Variants in RPL34 observed in about 807,000 individuals in gnomAD.
RPL34 encodes ribosomal protein L34, also known as large ribosomal subunit protein eL34.
A neutral mutation model predicts 16.3 loss-of-function variants in RPL34; 2 were observed. The observed-to-expected ratio is 0.12, with a 90% CI of 0.05 to 0.39. The LOEUF (loss-of-function observed/expected upper bound fraction) is 0.39, where lower values mean the gene tolerates loss of function less well. RPL34 is among the 10% of genes least tolerant of loss of function. RPL34 has a pLI of 0.99. For synonymous variants in RPL34, 47 were observed against 48.5 expected (o/e 0.97, Z 0.13); for missense variants, 82 against 148.8 (o/e 0.55, Z 2.33).
At chr4:108,626,447 CTTTTTTTTTT>C (rs34343318), downstream of RPL34, among the ~76,000 whole-genome samples, 10 of 117,078 alleles carry the variant, frequency 8.5e-5, no homozygotes, top group Admixed American at 9.4e-4. Flanking sequence ...GGCTGACAAC[CTTTTTTTTTT>C]TTTTTTTTTT....
At chr4:108,624,867 A>G (rs965924776) in intron 4 of RPL34, among the ~76,000 whole-genome samples, 12 of 152,254 alleles carry the variant, frequency 7.9e-5, no homozygotes, top group Non-Finnish European at 1.3e-4. Flanking sequence ...TAGAGCTCTC[A>G]TAAGTGGTCT....
chr4:108,621,792 T>C (rs1725788673), intron 1 of RPL34, 159 bp from the exon 2 acceptor site: 1 of 593,402 alleles, frequency 1.7e-6, no homozygotes, highest in Non-Finnish European at 3.0e-6. Flanking sequence ...CAGTCACCTT[T>C]AAATACAAGT....
At chr4:108,629,051 C>A (rs1726102449), downstream of RPL34, among the ~76,000 whole-genome samples, 1 of 152,144 alleles carries the variant, frequency 6.6e-6, no homozygotes, top group Non-Finnish European at 1.5e-5. Flanking sequence ...CTCCTGACCT[C>A]AGAATGTCCG....
At position 108,622,626 on chromosome 4, in the gene RPL34, A is replaced by T; in HGVS notation, c.269+8A>T. 6.5e-7 allele frequency: 1 copy of T among 1,532,402 alleles called. No individual in the cohort carries two copies. The highest frequency in any genetic ancestry group is 8.9e-7 in the Non-Finnish European group (1 of 1,123,992). The allele number at this position is 1,532,402 out of a possible 1,614,324, so 94.9% of individuals were successfully genotyped here. A position where few individuals can be genotyped will look rare whatever the true frequency, so the allele number is the denominator to read the frequency against. ...TAAATGTGTTCGTGACAGGTAAGTT[A>T]AATGCTTAAATGGGCTTTCCTTAGC... On this transcript the variant is annotated splice_region_variant and intron_variant, in intron 4 of 4. Transcript: ENST00000394667.
Position 108,622,021 on chromosome 4 carries a change from G to T in RPL34, c.62G>T (p.Arg21Met). ...TACAATACAGCCTCTAACAAAACTA[G>T]GCTGTAAGTATTTCTGAAAATTTTA... ...LSYNTASNKT[R>M]LSRTPGNRIV... Residue 21 changes from arginine to methionine, a missense_variant, in exon 2 of 5, where the codon AGG (arginine) becomes ATG (methionine). Transcript: ENST00000394667. 6.2e-7 allele frequency: 1 copy of T among 1,611,994 alleles called. No individual in the cohort carries two copies. Among genetic ancestry groups the T allele is most frequent in the Non-Finnish European group, 8.5e-7 (1 of 1,178,362 alleles).
chr4:108,624,238 T>C (rs1363074856), intron 4 of RPL34, among the ~76,000 whole-genome samples: 1 of 152,206 alleles, frequency 6.6e-6, no homozygotes, highest in Non-Finnish European at 1.5e-5. Flanking sequence ...ATGTGGTCTG[T>C]GCTTTGAGTA....
chr4:108,627,306 TG>T (rs1726046222), downstream of RPL34, among the ~76,000 whole-genome samples: 1 of 151,904 alleles, frequency 6.6e-6, no homozygotes, highest in African/African-American at 2.4e-5. Context: ...TCTCAACACT[TG>T]GGATGCTGAG....
chr4:108,624,720 A>C (rs146492215), intron 4 of RPL34, among the ~76,000 whole-genome samples: 1 of 152,134 alleles, frequency 6.6e-6, no homozygotes, highest in East Asian at 1.9e-4. Flanking sequence ...ATATCCCTTT[A>C]CCTTTTAATT....
chr4:108,623,492 C>A (rs1725869467), intron 4 of RPL34, among the ~76,000 whole-genome samples: 1 of 152,192 alleles, frequency 6.6e-6, no homozygotes, highest in South Asian at 2.1e-4. Flanking sequence ...TCACTGTAAC[C>A]TCCGCCTCCC....
intron 4 of RPL34, among the ~76,000 whole-genome samples, chr4:108,623,673 TGGGAATACA>T (rs1725877243): frequency 6.6e-6 from 1 of 152,204 alleles, no homozygotes; most frequent in Non-Finnish European, 1.5e-5. Flanking sequence ...CCCAAAGTGC[TGGGAATACA>T]GGTATAAGCC....
rs1381388598 is a variant in RPL34 at position 108,621,843 on chromosome 4, T to C, written c.-9-108T>C. The C allele has an allele frequency of 8.1e-6, 6 of 737,286 alleles. No individual in the cohort carries two copies. The African/African-American group carries it at 8.8e-5, about 11-fold the overall frequency. 45.7% of individuals were successfully genotyped at this position (737,286 alleles called of 1,614,324 possible). A position where few individuals can be genotyped will look rare whatever the true frequency, so the allele number is the denominator to read the frequency against. On this transcript the variant is annotated intron_variant, in intron 1 of 4. Transcript: ENST00000394667. ...AATAATACATCTTAATTTAAGGGTG[T>C]TACATACAAGGATATGTATGTGAAT...
chr4:108,621,821 A>C, intron 1 of RPL34, 130 bp from the exon 2 acceptor site: 1 of 660,896 alleles, frequency 1.5e-6, no homozygotes, highest in Admixed American at 2.5e-5. Context: ...AATGTGGAAT[A>C]ATACATCTTA....
At chr4:108,628,972 A>G (rs561648063), downstream of RPL34, among the ~76,000 whole-genome samples, 11 of 152,206 alleles carry the variant, frequency 7.2e-5, no homozygotes, top group South Asian at 8.3e-4. Context: ...GGCGCCTGCC[A>G]CCACATCTGG....
chr4:108,622,577 G>A lies in RPL34; in HGVS notation c.228G>A (p.Arg76=). ...CCAAAACAAAGAAACATGTCAGCAG[G>A]GCCTATGGTGGTTCCATGTGTGCTA... ...RLSKTKKHVS[R]AYGGSMCAKC... is the part of the protein sequence containing the mutation. Residue 76 remains arginine, a synonymous_variant, in exon 4 of 5, where the codon AGG becomes AGA. Coordinates refer to ENST00000394667, the MANE Select transcript of RPL34 (RefSeq NM_001319236.2). 1 of 1,608,120 alleles carries A rather than the reference G, an allele frequency of 6.2e-7. No individual in the cohort carries two copies. The highest frequency in any genetic ancestry group is 2.2e-5 in the East Asian group (1 of 44,860).
At chr4:108,626,317 A>G (rs1725998252), downstream of RPL34, among the ~76,000 whole-genome samples, 1 of 151,820 alleles carries the variant, frequency 6.6e-6, no homozygotes, top group Non-Finnish European at 1.5e-5. Flanking sequence ...GTTTTTTGAG[A>G]AACAGTTTCA....
downstream of RPL34, among the ~76,000 whole-genome samples, chr4:108,628,059 G>T (rs931925949): frequency 1.3e-5 from 2 of 152,094 alleles, no homozygotes; most frequent in Non-Finnish European, 2.9e-5. Flanking sequence ...GTGAATAAGT[G>T]TAATGACCGG....
rs1322067819 is a variant in RPL34 at position 108,622,510 on chromosome 4, T to C, written c.166-5T>C. 15 of 1,603,836 alleles carry C rather than the reference T, an allele frequency of 9.4e-6. No individual in the cohort carries two copies. Among genetic ancestry groups the C allele is most frequent in the African/African-American group, 2.7e-5 (2 of 74,556 alleles). On this transcript the variant is annotated splice_region_variant and splice_polypyrimidine_tract_variant and intron_variant, in intron 3 of 4. Transcript: ENST00000394667. Reference sequence around the variant, plus strand: ...CACAAAAATCTTAATATTTTTCTTATGCAGGTTCGTGCTGTAAGACCTAAA... The same window carrying C: ...CACAAAAATCTTAATATTTTTCTTACGCAGGTTCGTGCTGTAAGACCTAAA...
chr4:108,628,112 C>T (rs1025032886), downstream of RPL34, among the ~76,000 whole-genome samples: 1 of 152,146 alleles, frequency 6.6e-6, no homozygotes, highest in African/African-American at 2.4e-5. Flanking sequence ...AGCTGGGATC[C>T]CTGTTGTCAA....
downstream of RPL34, among the ~76,000 whole-genome samples, chr4:108,627,692 T>C (rs1323877309): frequency 6.6e-6 from 1 of 151,922 alleles, no homozygotes; most frequent in Non-Finnish European, 1.5e-5. Context: ...TGAAACCCCG[T>C]CTCTACTAAA....
Sources: gnomAD v4.1 joint callset for allele counts (sites outside exome capture counted in the v4.1 genomes callset) on GRCh38, gnomAD v4.1.1 for gene constraint, MANE v1.5 for transcripts, NCBI Gene and HGNC (gene_info 2026-07-23, HGNC 2026-07-21) for gene names.